Variants in CEP57 observed in about 807,000 individuals in gnomAD.
CEP57 encodes the protein centrosomal protein 57, also known as centrosomal protein of 57 kDa.
In CEP57, 40 loss-of-function variants were observed where a neutral mutation model predicts 68.0. The ratio of observed to expected loss-of-function variants is 0.59; its 90% CI spans 0.46 to 0.77. The LOEUF (loss-of-function observed/expected upper bound fraction) is 0.77. Among genes scored for constraint, CEP57 ranks in the 30% least tolerant of loss-of-function variants. CEP57 has a pLI of 0.00. For missense variants in CEP57, 606 were observed against 580.7 expected (o/e 1.04, Z -0.45); for synonymous variants, 219 against 198.7 (o/e 1.10, Z -0.86).
At chr11:95,794,437 A>G (rs905902530) in intron 1 of CEP57, 7 of 407,240 alleles carry the variant, frequency 1.7e-5, no homozygotes, top group Non-Finnish European at 2.5e-5. Flanking sequence ...TCTTTATTTT[A>G]TGTCCTCTTA....
chr11:95,796,518 A>G (rs1861356376), intron 1 of CEP57, among the ~76,000 whole-genome samples: 2 of 152,226 alleles, frequency 1.3e-5, no homozygotes, highest in African/African-American at 4.8e-5. Context: ...GATTTTGTTG[A>G]AAAGGATAAT....
At chr11:95,803,578 T>C (rs1278121086) in intron 2 of CEP57, among the ~76,000 whole-genome samples, 2 of 83,774 alleles carry the variant, frequency 2.4e-5, no homozygotes, top group African/African-American at 8.6e-5. Flanking sequence ...CGCCCCTTAA[T>C]CTACAACAAC....
At chr11:95,812,511 C>G (rs1273100690) in intron 2 of CEP57, among the ~76,000 whole-genome samples, 5 of 152,052 alleles carry the variant, frequency 3.3e-5, no homozygotes, top group Non-Finnish European at 5.9e-5. Flanking sequence ...GCAACCTCCA[C>G]CCCTCCACAC....
At chr11:95,825,084 G>A (rs1306769695) in intron 8 of CEP57, among the ~76,000 whole-genome samples, 3 of 152,186 alleles carry the variant, frequency 2.0e-5, no homozygotes, top group African/African-American at 7.2e-5. Flanking sequence ...CCTAAACACA[G>A]TGTGTCTAAT....
intron 1 of CEP57, 41 bp from the exon 2 acceptor site, chr11:95,799,191 G>T: frequency 6.2e-7 from 1 of 1,608,740 alleles, no homozygotes. Flanking sequence ...GCTATTTGTG[G>T]TTCACACTTT....
At chr11:95,813,172 C>A in intron 3 of CEP57, 61 bp downstream of exon 3, 1 of 1,503,286 alleles carries the variant, frequency 6.7e-7, no homozygotes, top group Admixed American at 1.7e-5. Flanking sequence ...ATTAAGTATT[C>A]TAAAAGAAAT....
In CEP57 at chr11:95,832,668, ATT is replaced by A. The variant is rs1863059882; in HGVS notation, c.*1413_*1414del. The A allele has an allele frequency of 6.6e-6, 1 of 152,008 alleles. No individual in the cohort carries two copies. The allele number at this position is 152,008 out of a possible 1,614,324, so 9.4% of individuals were successfully genotyped here. A position where few individuals can be genotyped will look rare whatever the true frequency, so the allele number is the denominator to read the frequency against. On this transcript the variant is annotated 3_prime_UTR_variant, in exon 11 of 11. Transcript: ENST00000325542. ...TATCTCCTTGTTTGAATTTCAGGTC[ATT>A]AAATTGTATAACCATCATTTGAATT...
Position 95,790,721 on chromosome 11 carries a change from C to A in CEP57, c.23C>A (p.Ala8Glu). 1 of 1,614,078 alleles carries A rather than the reference C, an allele frequency of 6.2e-7. No individual in the cohort carries two copies. Among genetic ancestry groups the A allele is most frequent in the Non-Finnish European group, 8.5e-7 (1 of 1,179,998 alleles). Reference sequence around the variant, plus strand: ...AAGATGGCGGCGGCGTCTGTCTCTGCGGCTTCTGGTTCTCACTTGTCGGTA... The same window carrying A: ...AAGATGGCGGCGGCGTCTGTCTCTGAGGCTTCTGGTTCTCACTTGTCGGTA... MAAASVS[A>E]ASGSHLSNSF... Residue 8 changes from alanine (A) to glutamate (E), a missense_variant, in exon 1 of 11, where the codon GCG (alanine) becomes GAG (glutamate). Coordinates refer to ENST00000325542, the MANE Select transcript of CEP57 (RefSeq NM_014679.5).
At chr11:95,818,601 T>A (rs2135341218) in intron 5 of CEP57, among the ~76,000 whole-genome samples, 1 of 152,208 alleles carries the variant, frequency 6.6e-6, no homozygotes, top group African/African-American at 2.4e-5. Flanking sequence ...TCTTTGGCCA[T>A]AGATTTTACC....
Position 95,831,708 on chromosome 11 carries a change from T to G in CEP57, c.*452T>G, listed in dbSNP as rs1863015136. On this transcript the variant is annotated 3_prime_UTR_variant, in exon 11 of 11. Coordinates refer to ENST00000325542, the MANE Select transcript of CEP57 (RefSeq NM_014679.5). Reference sequence around the variant, plus strand: ...CCACTTCCCCTTTCCAAAGCAACCATTAAACATACTTTGTTTCTACTATTG... The same window carrying G: ...CCACTTCCCCTTTCCAAAGCAACCAGTAAACATACTTTGTTTCTACTATTG... The G allele has an allele frequency of 6.6e-6, 1 of 152,310 alleles. No individual in the cohort carries two copies. The highest frequency in any genetic ancestry group is 2.1e-4 in the South Asian group (1 of 4,848). 9.4% of individuals were successfully genotyped at this position (152,310 alleles called of 1,614,324 possible). A position where few individuals can be genotyped will look rare whatever the true frequency, so the allele number is the denominator to read the frequency against.
chr11:95,828,062 G>C, intron 9 of CEP57, 35 bp downstream of exon 9: 1 of 1,588,744 alleles, frequency 6.3e-7, no homozygotes, highest in Middle Eastern at 1.7e-4. Context: ...ATTCAGTTTA[G>C]CTCTAAAACC....
Position 95,790,647 on chromosome 11 carries a change from C to A in CEP57, c.-52C>A. ...GGCTCCCGAGTCTTGGAGAAGAGCA[C>A]GAGAACCTAGACCGCCCCCGAAGTG... is the stretch of plus-strand genomic sequence containing the variant. On this transcript the variant is annotated 5_prime_UTR_variant, in exon 1 of 11. Transcript: ENST00000325542. The A allele has an allele frequency of 6.2e-7, 1 of 1,601,554 alleles. No individual in the cohort carries two copies. Among genetic ancestry groups the A allele is most frequent in the Non-Finnish European group, 8.5e-7 (1 of 1,173,430 alleles).
intron 2 of CEP57, among the ~76,000 whole-genome samples, chr11:95,803,451 TACC>T (rs1861662149): frequency 6.6e-6 from 1 of 151,852 alleles, no homozygotes; most frequent in South Asian, 2.1e-4. Flanking sequence ...CTTTGGAAAA[TACC>T]ACCATTAAAA....
In CEP57 at chr11:95,828,004, G is replaced by C; in HGVS notation, c.1104G>C (p.Gln368His). ...TGTCAGAAGTCTTACAGACTTTACA[G>C]GATGAATTTGGGCAAATGAGCTTGT... is the stretch of plus-strand genomic sequence containing the variant. Reference protein sequence around the residue: ...EELSEVLQTLQDEFGQMSFDH... With the variant: ...EELSEVLQTLHDEFGQMSFDH... Residue 368 changes from glutamine (Q) to histidine (H), a missense_variant, in exon 9 of 11, where the codon CAG (glutamine) becomes CAC (histidine). Coordinates refer to ENST00000325542, the MANE Select transcript of CEP57 (RefSeq NM_014679.5). 1 of 1,613,910 alleles carries C rather than the reference G, an allele frequency of 6.2e-7. No homozygotes were observed. The highest frequency in any genetic ancestry group is 1.1e-5 in the South Asian group (1 of 91,010).
At chr11:95,806,622 T>C (rs1164901127) in intron 2 of CEP57, among the ~76,000 whole-genome samples, 4 of 152,146 alleles carry the variant, frequency 2.6e-5, no homozygotes, top group Non-Finnish European at 4.4e-5. Flanking sequence ...CCTCACTCAC[T>C]GCTAGCACAG....
At chr11:95,825,460 TGACTG>T (rs1304789848) in intron 8 of CEP57, among the ~76,000 whole-genome samples, 1 of 152,124 alleles carries the variant, frequency 6.6e-6, no homozygotes, top group African/African-American at 2.4e-5. Flanking sequence ...TAACAGAAGA[TGACTG>T]GGATGGATAA....
intron 2 of CEP57, among the ~76,000 whole-genome samples, chr11:95,810,024 T>C (rs901761864): frequency 3.3e-5 from 5 of 152,036 alleles, no homozygotes; most frequent in African/African-American, 1.2e-4. Flanking sequence ...GCTTCATCTC[T>C]GGGATGCAAG....
At chr11:95,813,158 C>T in intron 3 of CEP57, 47 bp downstream of exon 3, 1 of 1,554,348 alleles carries the variant, frequency 6.4e-7, no homozygotes, top group Non-Finnish European at 8.8e-7. Context: ...AAGTGTTGTG[C>T]AGTATTAAGT....
chr11:95,827,844 A>G lies in CEP57; in HGVS notation c.944A>G (p.Lys315Arg). 1 of 1,614,084 alleles carries G rather than the reference A, an allele frequency of 6.2e-7. No individual in the cohort carries two copies. Among genetic ancestry groups the G allele is most frequent in the Non-Finnish European group, 8.5e-7 (1 of 1,179,960 alleles). The part of the protein sequence containing the change: ...ANVQLVLHLM[K>R]QHSKALCNDR... ...GTTCAGCTTGTCTTGCATCTAATGA[A>G]GCAACACAGTAAAGCTTTGTGCAAT... The change falls in exon 9 of 11, where the codon AAG (lysine) becomes AGG (arginine). Residue 315 changes from lysine (K) to arginine (R), a missense_variant. Physicochemically the swap from Lys to Arg is conservative, Grantham distance 26. Transcript: ENST00000325542.
Sources: gnomAD v4.1 joint callset for allele counts (sites outside exome capture counted in the v4.1 genomes callset) on GRCh38, gnomAD v4.1.1 for gene constraint, MANE v1.5 for transcripts, NCBI Gene and HGNC (gene_info 2026-07-23, HGNC 2026-07-21) for gene names.